Variants in MCM9 observed in about 807,000 individuals in gnomAD.
MCM9 encodes minichromosome maintenance 9 homologous recombination repair factor.
Under a neutral mutation model 72.8 loss-of-function variants are expected in MCM9, and 55 were observed. The ratio of observed to expected loss-of-function variants is 0.76; its 90% CI spans 0.61 to 0.95. The LOEUF (loss-of-function observed/expected upper bound fraction) is 0.95. Ranked by LOEUF, MCM9 falls within the 40% of genes least tolerant of loss-of-function variation. MCM9 has a pLI of 0.00. For missense variants in MCM9, 1,279 were observed against 1,377.0 expected (o/e 0.93, Z 1.13); for synonymous variants, 480 against 503.4 (o/e 0.95, Z 0.62).
chr6:118,894,909 A>G (rs1562427101), intron 8 of MCM9, among the ~76,000 whole-genome samples: 1 of 152,004 alleles, frequency 6.6e-6, no homozygotes, highest in East Asian at 1.9e-4. Flanking sequence ...CTGGGAAGGG[A>G]GAGGCTGTGC....
chr6:118,823,291 G>A (rs913794730), intron 13 of MCM9, among the ~76,000 whole-genome samples: 4 of 152,190 alleles, frequency 2.6e-5, no homozygotes, highest in Admixed American at 6.5e-5. Context: ...TGGGAAAAGC[G>A]TAGTATCCAG....
intron 9 of MCM9, among the ~76,000 whole-genome samples, chr6:118,833,423 G>T (rs1432227139): frequency 6.6e-6 from 1 of 152,162 alleles, no homozygotes; most frequent in Non-Finnish European, 1.5e-5. Context: ...GATTGAGCAT[G>T]AAATCTGCTT....
chr6:118,814,925 C>T lies in MCM9; in HGVS notation c.3331G>A (p.Glu1111Lys), dbSNP rs533379434. The T allele has an allele frequency of 1.7e-5, 26 of 1,550,158 alleles. No homozygotes were observed. The highest frequency in any genetic ancestry group is 1.2e-4 in the East Asian group (5 of 40,902). The change falls in exon 14 of 14, where the codon GAG becomes AAG. Residue 1111 changes from glutamate (E) to lysine (K), a missense_variant. Glu to Lys is a moderately conservative substitution (Grantham distance 56, BLOSUM62 1). Coordinates refer to ENST00000619706, the MANE Select transcript of MCM9 (RefSeq NM_017696.3). ...RKSFQLRGST[E>K]KLIVSKESLF... ...GATTCTTTGGAAACAATCAGTTTCT[C>T]GGTGGACCCACGGAGCTGAAAAGAT... is the stretch of plus-strand genomic sequence containing the variant.
chr6:118,855,982 T>C (rs750250394), intron 9 of MCM9, among the ~76,000 whole-genome samples: 7 of 152,218 alleles, frequency 4.6e-5, no homozygotes, highest in Non-Finnish European at 1.0e-4. Flanking sequence ...ATAAGGAGAA[T>C]GCTGGAAACT....
chr6:118,827,034 T>C (rs1173821796), intron 11 of MCM9, among the ~76,000 whole-genome samples, 170 bp from the exon 12 acceptor site: 33 of 152,242 alleles, frequency 2.2e-4, no homozygotes, highest in Admixed American at 2.2e-3. Context: ...AGGATGTTTC[T>C]ATAATGAGCC....
intron 9 of MCM9, among the ~76,000 whole-genome samples, chr6:118,852,649 G>A (rs1776305940): frequency 6.6e-6 from 1 of 152,172 alleles, no homozygotes; most frequent in Non-Finnish European, 1.5e-5. Flanking sequence ...TAAGTGTTTG[G>A]AAACTTCAAT....
At chr6:118,856,849 C>T (rs1220851414) in intron 8 of MCM9, among the ~76,000 whole-genome samples, 1 of 152,050 alleles carries the variant, frequency 6.6e-6, no homozygotes, top group East Asian at 1.9e-4. Context: ...CCACTACACT[C>T]CAGCCTGGGT....
intron 3 of MCM9, among the ~76,000 whole-genome samples, chr6:118,930,841 A>T (rs1022706): frequency 0.58 from 88,218 of 151,984 alleles, 26,154 homozygotes; most frequent in East Asian, 0.69. Context: ...AATCACTTTT[A>T]AAACAGAAAG....
At chr6:118,881,668 G>A (rs1778295724) in intron 8 of MCM9, among the ~76,000 whole-genome samples, 1 of 152,156 alleles carries the variant, frequency 6.6e-6, no homozygotes, top group African/African-American at 2.4e-5. Context: ...CTTCTGCAAT[G>A]GCAGTGTGAG....
At chr6:118,925,897 G>C (rs554211443) in intron 3 of MCM9, among the ~76,000 whole-genome samples, 1 of 151,538 alleles carries the variant, frequency 6.6e-6, no homozygotes, top group South Asian at 2.1e-4. Context: ...CTCCCTACAT[G>C]AATACTTTAA....
rs144694031 is a variant in MCM9, at chr6:118,860,767, G to T, written c.1151-4222C>A. Among the ~76,000 whole-genome samples the T allele has an allele frequency of 4.6e-5, 7 of 152,334 alleles. No homozygotes were observed. The East Asian group carries it at 1.4e-3, about 29-fold the overall frequency. ...GTGGTCCCCAGCCTTTCTGGCACCA[G>T]AGGCTGGTTTCGTGGAGAAAATTTT... On this transcript the variant is annotated intron_variant, in intron 8 of 13. Coordinates refer to ENST00000619706, the MANE Select transcript of MCM9 (RefSeq NM_017696.3).
chr6:118,832,862 T>G (rs1414529063), intron 9 of MCM9, among the ~76,000 whole-genome samples: 2 of 152,252 alleles, frequency 1.3e-5, no homozygotes, highest in African/African-American at 4.8e-5. Context: ...CTCCAGCCTG[T>G]GGCACCAGGT....
chr6:118,931,247 C>T (rs1033960720), intron 3 of MCM9, among the ~76,000 whole-genome samples, 173 bp downstream of exon 3: 2 of 152,216 alleles, frequency 1.3e-5, no homozygotes, highest in Admixed American at 1.3e-4. Context: ...ACTCATACTT[C>T]ATGCCCACAG....
At chr6:118,932,772 T>C (rs1006655861) in intron 1 of MCM9, 32 bp from the exon 2 acceptor site, 15 of 183,278 alleles carry the variant, frequency 8.2e-5, no homozygotes, top group African/African-American at 3.1e-4. Context: ...CAGATAAACA[T>C]AGGAAGGTGA....
intron 9 of MCM9, among the ~76,000 whole-genome samples, chr6:118,840,039 G>C (rs1393571015): frequency 6.6e-6 from 1 of 152,180 alleles, no homozygotes; most frequent in Non-Finnish European, 1.5e-5. Flanking sequence ...CTTCCCCCAG[G>C]TGCTCTGTCC....
intron 8 of MCM9, among the ~76,000 whole-genome samples, chr6:118,856,811 G>T (rs1275719008): frequency 6.6e-6 from 1 of 152,006 alleles, no homozygotes; most frequent in Non-Finnish European, 1.5e-5. Context: ...AGCCCAGGAG[G>T]TCAAGGCTGT....
intron 8 of MCM9, among the ~76,000 whole-genome samples, chr6:118,898,736 T>TA (rs1779607278): frequency 6.6e-6 from 1 of 152,196 alleles, no homozygotes; most frequent in Admixed American, 6.5e-5. Context: ...TGATAATTCT[T>TA]AGTCTTATCC....
chr6:118,853,953 T>A (rs1288497679), intron 9 of MCM9, among the ~76,000 whole-genome samples: 2 of 152,234 alleles, frequency 1.3e-5, no homozygotes, highest in Non-Finnish European at 2.9e-5. Flanking sequence ...TTTTAATGTA[T>A]AAATGTAGAA....
chr6:118,829,864 G>A (rs1295676662), intron 9 of MCM9, among the ~76,000 whole-genome samples: 3 of 150,594 alleles, frequency 2.0e-5, no homozygotes, highest in Non-Finnish European at 4.4e-5. Flanking sequence ...TTCTAAACAC[G>A]AAAGAAACAA....
Sources: allele counts gnomAD v4.1 joint callset (sites outside exome capture counted in the v4.1 genomes callset), GRCh38; gene constraint gnomAD v4.1.1; transcripts MANE v1.5; gene names NCBI Gene and HGNC (gene_info 2026-07-23, HGNC 2026-07-21).